The following OXR1 variants were observed in gnomAD, a reference collection of about 807,000 sequenced individuals.
The protein encoded by OXR1 is oxidation resistance 1.
In OXR1, 41 loss-of-function variants were observed where a neutral mutation model predicts 104.6. The observed-to-expected ratio is 0.39, with a 90% CI of 0.31 to 0.51. The LOEUF is 0.51. Ranked by LOEUF, OXR1 falls within the 20% of genes least tolerant of loss-of-function variation. OXR1 has a pLI of 0.77. For synonymous variants in OXR1, 348 were observed against 348.4 expected, an observed-to-expected ratio of 1.00 and a Z score of 0.01; for missense variants, 955 against 1,031.9, an observed-to-expected ratio of 0.93 and a Z score of 1.02.
chr8:106,418,935 A>C lies in OXR1; in HGVS notation c.23+59299A>C, dbSNP rs201214015. ...TTCTTTTTAGCAATGAGCATATGTT[A>C]GTTTTCAGAAAAAAGTTATTTTTAA... On this transcript the variant is annotated intron_variant, in intron 2 of 16. Coordinates refer to ENST00000517566, the MANE Select transcript of OXR1 (RefSeq NM_001198533.2). 1.7e-3 allele frequency among the ~76,000 whole-genome samples: 102 copies of C among 61,802 alleles called. 2 individuals are homozygous for C. The East Asian group carries it at 0.14, about 82-fold the overall frequency. 40.5% of individuals were successfully genotyped at this position (61,802 alleles called of 152,430 possible).
At chr8:106,634,433 C>A (rs1317545977) in intron 3 of OXR1, among the ~76,000 whole-genome samples, 1 of 152,174 alleles carries the variant, frequency 6.6e-6, no homozygotes, top group Non-Finnish European at 1.5e-5. Flanking sequence ...CCACTTGTCA[C>A]ATGCCCTATA....
intron 1 of OXR1, among the ~76,000 whole-genome samples, chr8:106,320,951 C>T (rs1814191335): frequency 6.6e-6 from 1 of 152,204 alleles, no homozygotes; most frequent in Admixed American, 6.5e-5. Flanking sequence ...GGATTACAGG[C>T]ATGAGCCACC....
intron 2 of OXR1, among the ~76,000 whole-genome samples, chr8:106,396,639 C>T (rs1483196175): frequency 6.6e-6 from 1 of 151,996 alleles, no homozygotes; most frequent in African/African-American, 2.4e-5. Context: ...AGTAAGGAGA[C>T]AGTGGAAAAA....
chr8:106,552,640 T>G lies in OXR1; in HGVS notation c.220+33501T>G, dbSNP rs549987003. ...AAAGCCACAAAGCAAAAGTGCATGATGATTTCATTTATTCTCTGTGTCTTC... is the reference window on the plus strand; with the variant it reads ...AAAGCCACAAAGCAAAAGTGCATGAGGATTTCATTTATTCTCTGTGTCTTC... On this transcript the variant is annotated intron_variant, in intron 3 of 16. Coordinates refer to ENST00000517566, the MANE Select transcript of OXR1 (RefSeq NM_001198533.2). Among the ~76,000 whole-genome samples the G allele has an allele frequency of 1.3e-4, 20 of 152,334 alleles. No homozygotes were observed. In the South Asian group the frequency reaches 2.7e-3, roughly 21 times the overall value.
At chr8:106,632,185 A>C (rs927692031) in intron 3 of OXR1, among the ~76,000 whole-genome samples, 1 of 152,186 alleles carries the variant, frequency 6.6e-6, no homozygotes, top group Non-Finnish European at 1.5e-5. Flanking sequence ...TAGAGAGAAA[A>C]AAATAGTGTT....
chr8:106,460,273 C>T (rs187061852), intron 2 of OXR1, among the ~76,000 whole-genome samples: 61 of 152,298 alleles, frequency 4.0e-4, no homozygotes, highest in East Asian at 3.7e-3. Context: ...ATTACACCAT[C>T]GGAGTCTGCC....
intron 3 of OXR1, among the ~76,000 whole-genome samples, chr8:106,608,484 G>GA (rs1486708213): frequency 6.6e-6 from 1 of 152,102 alleles, no homozygotes; most frequent in Non-Finnish European, 1.5e-5. Flanking sequence ...TTTTTTATCA[G>GA]AGATCTAGTA....
chr8:106,455,803 G>C (rs905992679), intron 2 of OXR1, among the ~76,000 whole-genome samples: 3 of 152,148 alleles, frequency 2.0e-5, no homozygotes, highest in African/African-American at 7.2e-5. Flanking sequence ...TTTAGATTAT[G>C]ATCCATTGAA....
chr8:106,606,483 TG>T (rs1209550846), intron 3 of OXR1, among the ~76,000 whole-genome samples: 39 of 149,452 alleles, frequency 2.6e-4, no homozygotes, highest in Admixed American at 4.7e-4. Flanking sequence ...TTTTTTTTTT[TG>T]TATTTTTACT....
intron 3 of OXR1, among the ~76,000 whole-genome samples, chr8:106,635,270 A>G (rs1258096234): frequency 1.3e-5 from 2 of 152,208 alleles, no homozygotes; most frequent in Admixed American, 1.3e-4. Flanking sequence ...ACAGTGTTTT[A>G]TCAAAGAAAA....
chr8:106,677,605 A>G (rs1827732411), intron 3 of OXR1, among the ~76,000 whole-genome samples: 1 of 152,096 alleles, frequency 6.6e-6, no homozygotes, highest in Admixed American at 6.6e-5. Context: ...ATTGAACAAC[A>G]TTATTACATG....
At chr8:106,728,619 G>GT (rs1833574972) in intron 11 of OXR1, among the ~76,000 whole-genome samples, 1 of 152,210 alleles carries the variant, frequency 6.6e-6, no homozygotes, top group South Asian at 2.1e-4. Context: ...GCATGCTTAA[G>GT]TTTTGTTATC....
At chr8:106,277,691 T>C (rs1812111349) in intron 1 of OXR1, among the ~76,000 whole-genome samples, 1 of 152,206 alleles carries the variant, frequency 6.6e-6, no homozygotes, top group South Asian at 2.1e-4. Context: ...TCCTTAATCT[T>C]GGCTATGTCC....
intron 2 of OXR1, among the ~76,000 whole-genome samples, chr8:106,379,537 C>CTTTTTTTTTTTTTTT (rs60855438): frequency 9.2e-5 from 10 of 108,372 alleles, no homozygotes; most frequent in East Asian, 2.7e-4. Flanking sequence ...TTCTTTCTTT[C>CTTTTTTTTTTTTTTT]TTTTTTTTTT....
At chr8:106,736,325 C>T (rs767890506) in intron 11 of OXR1, among the ~76,000 whole-genome samples, 46 of 152,064 alleles carry the variant, frequency 3.0e-4, no homozygotes, top group Non-Finnish European at 1.0e-4. Context: ...TTTTTCTATT[C>T]TCATGTCTTT....
At chr8:106,492,946 A>G (rs1290619958) in intron 2 of OXR1, among the ~76,000 whole-genome samples, 1 of 152,218 alleles carries the variant, frequency 6.6e-6, no homozygotes, top group East Asian at 1.9e-4. Context: ...ATGTTAAAAA[A>G]TATTTTTTTT....
At chr8:106,577,175 C>G (rs1351692321) in intron 3 of OXR1, among the ~76,000 whole-genome samples, 1 of 151,502 alleles carries the variant, frequency 6.6e-6, no homozygotes, top group Non-Finnish European at 1.5e-5. Context: ...TATTGTCTCA[C>G]AGACCCAAAG....
chr8:106,569,369 A>T lies in OXR1; in HGVS notation c.220+50230A>T, dbSNP rs1486628233. ...CATATTGCCAATTGTTCTCTAAAAG[A>T]TTATATCAATTTACAATCCAGTCAA... On this transcript the variant is annotated intron_variant, in intron 3 of 16. Transcript: ENST00000517566. Among the ~76,000 whole-genome samples, 3 of 152,312 alleles carry T rather than the reference A, an allele frequency of 2.0e-5. No individual in the cohort carries two copies. The South Asian group carries it at 6.2e-4, about 32-fold the overall frequency.
intron 2 of OXR1, among the ~76,000 whole-genome samples, chr8:106,515,581 G>T (rs1445736691): frequency 6.6e-6 from 1 of 151,952 alleles, no homozygotes; most frequent in Admixed American, 6.6e-5. Context: ...ATGTGTTCCA[G>T]GTTCATTCAT....
Sources: gnomAD v4.1 joint callset for allele counts (sites outside exome capture counted in the v4.1 genomes callset) on GRCh38, gnomAD v4.1.1 for gene constraint, MANE v1.5 for transcripts, NCBI Gene and HGNC (gene_info 2026-07-23, HGNC 2026-07-21) for gene names.